Variants in PTPRR observed in about 807,000 individuals in gnomAD.
The protein encoded by PTPRR is receptor-type tyrosine-protein phosphatase R.
Under a neutral mutation model 77.2 loss-of-function variants are expected in PTPRR, and 38 were observed. That is an observed-to-expected ratio of 0.49 (90% CI 0.38 to 0.65). The LOEUF (loss-of-function observed/expected upper bound fraction) is 0.65, where lower values mean the gene tolerates loss of function less well. Among genes scored for constraint, PTPRR ranks in the 30% least tolerant of loss-of-function variants. The pLI, the probability that PTPRR is intolerant of heterozygous loss-of-function variation, is 0.00. For missense variants in PTPRR, 744 were observed against 799.2 expected, an observed-to-expected ratio of 0.93 and a Z score of 0.83; for synonymous variants, 299 against 283.1, an observed-to-expected ratio of 1.06 and a Z score of -0.57.
chr12:70,707,459 A>G (rs1163050724), intron 6 of PTPRR, among the ~76,000 whole-genome samples: 1 of 152,036 alleles, frequency 6.6e-6, no homozygotes, highest in Non-Finnish European at 1.5e-5. Flanking sequence ...ATGTCCTCAA[A>G]TTTTTTTAAA....
At chr12:70,788,438 A>T (rs1284035220) in intron 2 of PTPRR, among the ~76,000 whole-genome samples, 2 of 152,200 alleles carry the variant, frequency 1.3e-5, no homozygotes, top group African/African-American at 4.8e-5. Context: ...CTTTTCCCTG[A>T]TGTCAGTGTG....
chr12:70,716,400 ATTATAC>A (rs1263832297), intron 6 of PTPRR, among the ~76,000 whole-genome samples: 1 of 152,006 alleles, frequency 6.6e-6, no homozygotes, highest in Non-Finnish European at 1.5e-5. Context: ...TACATGTACT[ATTATAC>A]TTATGTATTA....
intron 2 of PTPRR, among the ~76,000 whole-genome samples, chr12:70,859,805 T>C (rs965702987): frequency 1.8e-4 from 27 of 152,124 alleles, no homozygotes; most frequent in South Asian, 1.5e-3. Flanking sequence ...AAATAATTTA[T>C]CATTCTAATG....
At chr12:70,781,275 T>C (rs1891197884) in intron 2 of PTPRR, among the ~76,000 whole-genome samples, 1 of 152,190 alleles carries the variant, frequency 6.6e-6, no homozygotes, top group Non-Finnish European at 1.5e-5. Context: ...CACAGATATC[T>C]ATGCTTGTAG....
At chr12:70,650,517 G>A (rs1886357980) in intron 13 of PTPRR, among the ~76,000 whole-genome samples, 1 of 151,990 alleles carries the variant, frequency 6.6e-6, no homozygotes, top group Non-Finnish European at 1.5e-5. Flanking sequence ...GTGCCTGAAC[G>A]CCACCAAGAG....
At chr12:70,788,864 A>T (rs186984908) in intron 2 of PTPRR, 23 of 1,521,258 alleles carry the variant, frequency 1.5e-5, no homozygotes, top group Admixed American at 1.0e-4. Flanking sequence ...TTCCATTTGC[A>T]CTCTTCTTTG....
chr12:70,726,933 T>A (rs1158196070), intron 6 of PTPRR, among the ~76,000 whole-genome samples: 3 of 152,028 alleles, frequency 2.0e-5, no homozygotes, highest in Non-Finnish European at 4.4e-5. Flanking sequence ...TTCTCTCCAA[T>A]ATTTCTAAGA....
chr12:70,843,510 C>T (rs1424134297), intron 2 of PTPRR, among the ~76,000 whole-genome samples: 1 of 152,162 alleles, frequency 6.6e-6, no homozygotes, highest in African/African-American at 2.4e-5. Context: ...CTTTAATGAA[C>T]TCTCCAATTG....
intron 2 of PTPRR, among the ~76,000 whole-genome samples, chr12:70,771,043 T>C (rs1258545771): frequency 6.6e-6 from 1 of 150,496 alleles, no homozygotes; most frequent in African/African-American, 2.4e-5. Context: ...TTAGGAGATA[T>C]ACCTAATGCT....
At position 70,824,189 on chromosome 12, in the gene PTPRR, G is replaced by A. The variant is rs543972813; in HGVS notation, c.358-59411C>T. ...TCCTTACACAGCAGCTCAGCATGCT[G>A]TGTTGTAGTTGCGTAATTATAAACC... On this transcript the variant is annotated intron_variant, in intron 2 of 13. Coordinates refer to ENST00000283228, the MANE Select transcript of PTPRR (RefSeq NM_002849.4). Among the ~76,000 whole-genome samples the A allele has an allele frequency of 2.0e-5, 3 of 152,300 alleles. No individual in the cohort carries two copies. In the South Asian group the frequency reaches 6.2e-4, roughly 32 times the overall value.
intron 6 of PTPRR, among the ~76,000 whole-genome samples, chr12:70,735,921 G>A (rs942648440): frequency 1.3e-5 from 2 of 152,176 alleles, no homozygotes; most frequent in African/African-American, 4.8e-5. Flanking sequence ...CAGCAGCTTA[G>A]TGCAGGCATG....
intron 6 of PTPRR, among the ~76,000 whole-genome samples, chr12:70,724,129 TTTCA>T (rs1405296894): frequency 1.3e-5 from 2 of 152,202 alleles, no homozygotes; most frequent in African/African-American, 4.8e-5. Context: ...CTTCATATCC[TTTCA>T]TTCTATTCTT....
At chr12:70,868,611 T>C (rs891102741) in intron 2 of PTPRR, among the ~76,000 whole-genome samples, 2 of 152,096 alleles carry the variant, frequency 1.3e-5, no homozygotes, top group African/African-American at 2.4e-5. Flanking sequence ...AGTTCAACCC[T>C]TGTGGAAGTC....
chr12:70,685,212 C>A (rs139017200), intron 8 of PTPRR, among the ~76,000 whole-genome samples: 1 of 152,060 alleles, frequency 6.6e-6, no homozygotes, highest in Non-Finnish European at 1.5e-5. Flanking sequence ...AGGTCTGAAC[C>A]TCACCTTGTC....
chr12:70,791,299 C>A (rs1891418066), intron 2 of PTPRR, among the ~76,000 whole-genome samples: 1 of 152,126 alleles, frequency 6.6e-6, no homozygotes, highest in African/African-American at 2.4e-5. Flanking sequence ...ACACACCAAG[C>A]CCCCGCCAGC....
At chr12:70,739,805 A>T (rs562706491) in intron 6 of PTPRR, among the ~76,000 whole-genome samples, 23 of 152,212 alleles carry the variant, frequency 1.5e-4, no homozygotes, top group Admixed American at 2.0e-4. Flanking sequence ...GGCTCTGGAG[A>T]CTAGAGATCG....
chr12:70,642,629 C>T (rs1162327685), intron 13 of PTPRR, among the ~76,000 whole-genome samples: 2 of 152,036 alleles, frequency 1.3e-5, no homozygotes, highest in African/African-American at 4.8e-5. Context: ...TGGTCTTCTT[C>T]TACTTGTAAC....
chr12:70,746,828 G>A (rs1890228386), intron 5 of PTPRR, among the ~76,000 whole-genome samples: 1 of 151,836 alleles, frequency 6.6e-6, no homozygotes, highest in East Asian at 1.9e-4. Flanking sequence ...AACTAGAAAT[G>A]CATATTAAAC....
chr12:70,742,789 A>C (rs1224634882), intron 6 of PTPRR, among the ~76,000 whole-genome samples: 1 of 152,120 alleles, frequency 6.6e-6, no homozygotes, highest in Admixed American at 6.6e-5. Flanking sequence ...CGGGGGAAAC[A>C]GTTGGGAGAA....
Sources: allele counts gnomAD v4.1 joint callset (sites outside exome capture counted in the v4.1 genomes callset), GRCh38; gene constraint gnomAD v4.1.1; transcripts MANE v1.5; gene names NCBI Gene and HGNC (gene_info 2026-07-23, HGNC 2026-07-21).